The following PCDH15 variants were observed in gnomAD, a reference collection of about 807,000 sequenced individuals.
The protein encoded by PCDH15 is protocadherin related 15.
A neutral mutation model predicts 178.5 loss-of-function variants in PCDH15; 129 were observed. That is an observed-to-expected ratio of 0.72 (90% CI 0.63 to 0.84). The LOEUF is 0.84. PCDH15 is among the 40% of genes least tolerant of loss of function. PCDH15 has a pLI of 0.00. For synonymous variants in PCDH15, 800 were observed against 732.0 expected, an observed-to-expected ratio of 1.09 and a Z score of -1.50; for missense variants, 2,230 against 2,099.9, an observed-to-expected ratio of 1.06 and a Z score of -1.21.
intron 8 of PCDH15, among the ~76,000 whole-genome samples, chr10:54,256,697 G>C (rs879721633): frequency 1.3e-5 from 2 of 151,884 alleles, no homozygotes; most frequent in African/African-American, 2.4e-5. Context: ...TAGTATCTCT[G>C]GTTTATTTTT....
chr10:54,604,586 A>G (rs1291359683), intron 2 of PCDH15, among the ~76,000 whole-genome samples: 1 of 151,828 alleles, frequency 6.6e-6, no homozygotes, highest in Non-Finnish European at 1.5e-5. Context: ...AAGTATAGCC[A>G]TTCTGCTTTC....
chr10:55,142,753 C>T (rs1248241335), intron 2 of PCDH15, among the ~76,000 whole-genome samples: 2 of 151,508 alleles, frequency 1.3e-5, no homozygotes, highest in Non-Finnish European at 2.9e-5. Flanking sequence ...ACTCAAGTCT[C>T]TTATTTTTCA....
chr10:54,238,017 C>A (rs2054811658), intron 8 of PCDH15, among the ~76,000 whole-genome samples: 1 of 152,078 alleles, frequency 6.6e-6, no homozygotes, highest in South Asian at 2.1e-4. Context: ...GGAAACACTA[C>A]TCTAAGTTAT....
intron 2 of PCDH15, among the ~76,000 whole-genome samples, chr10:55,436,223 G>C (rs903707344): frequency 6.6e-6 from 1 of 151,978 alleles, no homozygotes; most frequent in Non-Finnish European, 1.5e-5. Context: ...TTATTTAGAA[G>C]GCCCTGGATT....
intron 1 of PCDH15, among the ~76,000 whole-genome samples, chr10:55,277,895 T>C (rs1842635891): frequency 2.0e-5 from 3 of 152,132 alleles, no homozygotes; most frequent in Non-Finnish European, 4.4e-5. Context: ...TTGAAATATG[T>C]CTTTTCTGAT....
At chr10:54,518,353 G>C (rs201232026) in intron 3 of PCDH15, among the ~76,000 whole-genome samples, 1 of 148,732 alleles carries the variant, frequency 6.7e-6, no homozygotes, top group Admixed American at 6.8e-5. Context: ...GAATCAAATA[G>C]ACGCAATAAA....
intron 1 of PCDH15, among the ~76,000 whole-genome samples, chr10:54,673,839 G>T (rs1349050414): frequency 1.1e-4 from 17 of 152,066 alleles, no homozygotes; most frequent in African/African-American, 3.6e-4. Context: ...TAAAATATTT[G>T]TTTTCTATAT....
chr10:55,273,484 T>A (rs924521202), intron 1 of PCDH15, among the ~76,000 whole-genome samples: 16 of 152,066 alleles, frequency 1.1e-4, no homozygotes, highest in African/African-American at 3.9e-4. Context: ...TTATAACTGG[T>A]AGAATGATGA....
At chr10:54,022,797 T>C (rs2092964673) in intron 19 of PCDH15, 95 bp downstream of exon 19, 1 of 1,175,330 alleles carries the variant, frequency 8.5e-7, no homozygotes, top group African/African-American at 1.5e-5. Flanking sequence ...TCCAACTTGG[T>C]ATGTTGTATT....
chr10:54,762,683 C>T (rs1948041149), intron 1 of PCDH15, among the ~76,000 whole-genome samples: 1 of 152,030 alleles, frequency 6.6e-6, no homozygotes, highest in African/African-American at 2.4e-5. Flanking sequence ...AATTCTTAAG[C>T]ATTGTAACTT....
At position 55,336,123 on chromosome 10, in the gene PCDH15, T is replaced by TG. The variant is rs1325617244; in HGVS notation, c.-155-169473dup. On this transcript the variant is annotated intron_variant, in intron 2 of 5. Transcript: ENST00000613346. Reference sequence around the variant, plus strand: ...TCCCAAAATATGGCACCTTGGTATTTGAAAAAAAAAAAAAAAAAAAAAAAA... The same window carrying TG: ...TCCCAAAATATGGCACCTTGGTATTTGGAAAAAAAAAAAAAAAAAAAAAAAA... Among the ~76,000 whole-genome samples, 91 of 74,146 alleles carry TG rather than the reference T, an allele frequency of 1.2e-3. 1 individual carries two copies. Among genetic ancestry groups the TG allele is most frequent in the Non-Finnish European group, 8.8e-4 (37 of 41,828 alleles). The allele number at this position is 74,146 out of a possible 152,430, so 48.6% of individuals were successfully genotyped here.
chr10:53,890,293 G>T (rs1479855875), intron 26 of PCDH15, among the ~76,000 whole-genome samples: 3 of 152,148 alleles, frequency 2.0e-5, no homozygotes, highest in Non-Finnish European at 4.4e-5. Flanking sequence ...TAGACTTGGT[G>T]GCACATGCCT....
intron 2 of PCDH15, among the ~76,000 whole-genome samples, chr10:55,598,520 A>G (rs1311919217): frequency 1.7e-4 from 2 of 11,686 alleles, no homozygotes; most frequent in African/African-American, 1.4e-3. Context: ...CCTAATATAT[A>G]TATATATATA....
chr10:55,468,085 T>A (rs1329113022), intron 2 of PCDH15, among the ~76,000 whole-genome samples: 2 of 151,960 alleles, frequency 1.3e-5, no homozygotes, highest in Non-Finnish European at 2.9e-5. Flanking sequence ...AATGTGGATA[T>A]TTGTGAATTG....
At chr10:54,535,299 T>A (rs1186106395) in intron 2 of PCDH15, among the ~76,000 whole-genome samples, 2 of 152,314 alleles carry the variant, frequency 1.3e-5, no homozygotes, top group East Asian at 1.9e-4. Context: ...GCTACCTCAA[T>A]CTGTACTTTT....
intron 3 of PCDH15, among the ~76,000 whole-genome samples, chr10:54,814,302 T>C (rs1208967177): frequency 6.6e-6 from 1 of 152,172 alleles, no homozygotes; most frequent in Non-Finnish European, 1.5e-5. Context: ...GAGCAAATAA[T>C]GGATACATAC....
In PCDH15 at chr10:54,783,699, A is replaced by G. The variant is rs181184331; in HGVS notation, c.-29+17226T>C. On this transcript the variant is annotated intron_variant, in intron 1 of 37. Coordinates refer to ENST00000644397, the MANE Select transcript of PCDH15 (RefSeq NM_001384140.1). ...TCTTATCGATACTTATAGTAAAACT[A>G]TCAAAAGTAAAAGACAAAGAGAATT... 2.7e-3 allele frequency among the ~76,000 whole-genome samples: 417 copies of G among 152,256 alleles called. 2 individuals carry two copies. Among genetic ancestry groups the G allele is most frequent in the African/African-American group, 9.5e-3 (396 of 41,568 alleles).
intron 2 of PCDH15, among the ~76,000 whole-genome samples, chr10:54,925,427 C>T (rs1056664759): frequency 4.4e-5 from 4 of 91,934 alleles, no homozygotes; most frequent in East Asian, 2.3e-4. Context: ...GCTATTCAGG[C>T]GTTTTTTTTT....
rs190281535 is a variant in PCDH15 at position 53,865,815 on chromosome 10, G to A, written c.3717+827C>T. Among the ~76,000 whole-genome samples the A allele has an allele frequency of 2.6e-3, 388 of 152,056 alleles. 1 individual carries two copies. Among genetic ancestry groups the A allele is most frequent in the African/African-American group, 8.6e-3 (357 of 41,508 alleles). ...CAGGGAACTAAATGAGAAGAACTGC[G>A]AAAAAATGAAAATTTATGATGTAAA... On this transcript the variant is annotated intron_variant, in intron 27 of 37. Coordinates refer to ENST00000644397, the MANE Select transcript of PCDH15 (RefSeq NM_001384140.1).
Sources: allele counts gnomAD v4.1 joint callset (sites outside exome capture counted in the v4.1 genomes callset), GRCh38; gene constraint gnomAD v4.1.1; transcripts MANE v1.5; gene names NCBI Gene and HGNC (gene_info 2026-07-23, HGNC 2026-07-21).